Variants in DNAH8 observed in about 807,000 individuals in gnomAD.
DNAH8 encodes the protein axonemal beta dynein heavy chain 8.
DNAH8 carries 382 observed loss-of-function variants against 562.1 expected under a neutral mutation model. The ratio of observed to expected loss-of-function variants is 0.68; its 90% CI spans 0.63 to 0.74. DNAH8 has a LOEUF of 0.74. DNAH8 is among the 30% of genes least tolerant of loss of function. The probability of loss-of-function intolerance (pLI) is 0.00; values close to 1 mark genes in which losing one functional copy is unlikely to be tolerated. For synonymous variants in DNAH8, 1,881 were observed against 1,919.4 expected (o/e 0.98, Z 0.52); for missense variants, 5,203 against 5,620.4 (o/e 0.93, Z 2.37).
chr6:39,025,293 G>A (rs1189165479), intron 91 of DNAH8, among the ~76,000 whole-genome samples: 1 of 152,146 alleles, frequency 6.6e-6, no homozygotes, highest in African/African-American at 2.4e-5. Context: ...CTTTGTTCAC[G>A]CCTTTTTTCA....
intron 35 of DNAH8, among the ~76,000 whole-genome samples, chr6:38,844,071 A>G (rs1176178319): frequency 6.6e-6 from 1 of 152,082 alleles, no homozygotes. Flanking sequence ...CATTAAATCT[A>G]GTTGCCTAGA....
chr6:38,751,983 G>A (rs1765492206), intron 9 of DNAH8, among the ~76,000 whole-genome samples: 1 of 152,130 alleles, frequency 6.6e-6, no homozygotes, highest in Admixed American at 6.5e-5. Flanking sequence ...CATTCTCTAT[G>A]CACAATGACC....
At chr6:38,960,255 A>T (rs2150663017) in intron 82 of DNAH8, among the ~76,000 whole-genome samples, 1 of 152,180 alleles carries the variant, frequency 6.6e-6, no homozygotes, top group Admixed American at 6.5e-5. Flanking sequence ...CAAAGCAAAA[A>T]TAGACAATTG....
intron 87 of DNAH8, among the ~76,000 whole-genome samples, chr6:38,986,089 G>A (rs1002312900): frequency 6.6e-6 from 1 of 152,210 alleles, no homozygotes; most frequent in Non-Finnish European, 1.5e-5. Flanking sequence ...TGTGTGATAC[G>A]ACTACCTTCT....
At chr6:38,824,485 G>C (rs1030885641) in intron 28 of DNAH8, among the ~76,000 whole-genome samples, 4 of 152,168 alleles carry the variant, frequency 2.6e-5, no homozygotes, top group African/African-American at 9.7e-5. Flanking sequence ...TGGGTTTAAA[G>C]CTGGTTGTGG....
At chr6:38,923,227 A>G (rs1781856592) in intron 72 of DNAH8, 42 bp downstream of exon 72, 1 of 1,604,508 alleles carries the variant, frequency 6.2e-7, no homozygotes, top group Non-Finnish European at 8.5e-7. Flanking sequence ...TTTCTTTGTG[A>G]CATTAGAGAA....
chr6:38,938,750 A>T, intron 78 of DNAH8, 48 bp from the exon 79 acceptor site: 1 of 1,430,346 alleles, frequency 7.0e-7, no homozygotes, highest in Non-Finnish European at 9.6e-7. Flanking sequence ...AAGTTTTTTA[A>T]AAAAAGAAAT....
chr6:38,978,907 C>T (rs2150706272), intron 85 of DNAH8, among the ~76,000 whole-genome samples: 1 of 152,308 alleles, frequency 6.6e-6, no homozygotes, highest in East Asian at 1.9e-4. Flanking sequence ...GACTGGTTTT[C>T]CTAAAATCAT....
intron 75 of DNAH8, 23 bp downstream of exon 75, chr6:38,929,689 A>AG: frequency 6.7e-7 from 1 of 1,497,186 alleles, no homozygotes. Flanking sequence ...AAAAAAAAAA[A>AG]AAAGAAAGAA....
In DNAH8 at chr6:38,915,387, G is replaced by A. The variant is rs746913826; in HGVS notation, c.10140+10G>A. ...AGAAGCAGCCCTGAATGTGAGCAGT[G>A]CATTGTTACCCCTTCCAACACAAGT... is the stretch of plus-strand genomic sequence containing the variant. On this transcript the variant is annotated intron_variant, in intron 68 of 92. Coordinates refer to ENST00000327475, the MANE Select transcript of DNAH8 (RefSeq NM_001206927.2). The A allele has an allele frequency of 3.9e-6, 6 of 1,556,516 alleles. No individual in the cohort carries two copies. Among genetic ancestry groups the A allele is most frequent in the Non-Finnish European group, 5.2e-6 (6 of 1,158,140 alleles).
rs758602213 is a variant in DNAH8, at chr6:38,786,966, T to C, written c.2583+14T>C. On this transcript the variant is annotated intron_variant, in intron 18 of 92. Transcript: ENST00000327475. ...CTGTATTTGCAGGTAAGATAGATTA[T>C]GTTTTCTAATTATTTTTGAAGGAGT... 2 of 1,552,450 alleles carry C rather than the reference T, an allele frequency of 1.3e-6. No individual in the cohort carries two copies. Among genetic ancestry groups the C allele is most frequent in the East Asian group, 4.5e-5 (2 of 44,082 alleles).
At chr6:38,877,322 T>C (rs529931610) in intron 53 of DNAH8, among the ~76,000 whole-genome samples, 5 of 152,352 alleles carry the variant, frequency 3.3e-5, no homozygotes, top group Admixed American at 2.0e-4. Context: ...TTGCCACATT[T>C]CTTAAAGAGC....
intron 82 of DNAH8, among the ~76,000 whole-genome samples, chr6:38,966,211 G>T (rs931860678): frequency 6.6e-6 from 1 of 152,124 alleles, no homozygotes; most frequent in Non-Finnish European, 1.5e-5. Flanking sequence ...AGGGAATACT[G>T]TGAACAATTA....
At chr6:38,813,587 C>G (rs907311821) in intron 24 of DNAH8, among the ~76,000 whole-genome samples, 11 of 152,134 alleles carry the variant, frequency 7.2e-5, no homozygotes, top group Non-Finnish European at 1.6e-4. Context: ...CTGCATGTGT[C>G]CTTCATAACT....
intron 84 of DNAH8, 44 bp from the exon 85 acceptor site, chr6:38,974,330 T>G: frequency 7.0e-7 from 1 of 1,429,148 alleles, no homozygotes; most frequent in Non-Finnish European, 9.6e-7. Flanking sequence ...TTATTCTTTA[T>G]AGTAATTTAT....
intron 1 of DNAH8, among the ~76,000 whole-genome samples, chr6:38,721,249 G>A (rs1353983640): frequency 6.6e-6 from 1 of 152,114 alleles, no homozygotes; most frequent in African/African-American, 2.4e-5. Context: ...CCAGGAGCTT[G>A]AGTACTGGTA....
At chr6:38,994,639 CTTTTTTTTTCTTTTT>C (rs1310974541) in intron 88 of DNAH8, among the ~76,000 whole-genome samples, 2 of 109,412 alleles carry the variant, frequency 1.8e-5, no homozygotes, top group African/African-American at 6.4e-5. Context: ...TCACCAGTGA[CTTTTTTTTTCTTTTT>C]TTTTTTTTTT....
intron 89 of DNAH8, among the ~76,000 whole-genome samples, chr6:39,009,820 A>G (rs1283613737): frequency 6.6e-6 from 1 of 152,024 alleles, no homozygotes. Flanking sequence ...AGGTACCAAG[A>G]CCTTTGGTTA....
At position 38,723,160 on chromosome 6, in the gene DNAH8, T is replaced by G. The variant is rs1762918911; in HGVS notation, c.351T>G (p.Ser117Arg). The change falls in exon 2 of 93, where the codon AGT (serine) becomes AGG (arginine). Residue 117 changes from serine (S) to arginine (R), a missense_variant. Ser to Arg is a moderately radical substitution (Grantham distance 110). Coordinates refer to ENST00000327475, the MANE Select transcript of DNAH8 (RefSeq NM_001206927.2). ...RRSSRYRRSM[S>R]GLPNLQETLK... ...CCTCCAGATACCGCCGGAGTATGAGTGGCCTTCCCAATCTACAGGAAACAT... is the reference window on the plus strand; with the variant it reads ...CCTCCAGATACCGCCGGAGTATGAGGGGCCTTCCCAATCTACAGGAAACAT... 3 of 1,612,454 alleles carry G rather than the reference T, an allele frequency of 1.9e-6. No homozygotes were observed. Among genetic ancestry groups the G allele is most frequent in the Non-Finnish European group, 2.5e-6 (3 of 1,179,858 alleles).
Sources: allele counts gnomAD v4.1 joint callset (sites outside exome capture counted in the v4.1 genomes callset), GRCh38; gene constraint gnomAD v4.1.1; transcripts MANE v1.5; gene names NCBI Gene and HGNC (gene_info 2026-07-23, HGNC 2026-07-21).